The following NAGPA variants were observed in gnomAD, a reference collection of about 807,000 sequenced individuals.
NAGPA encodes the protein alpha-N-acetylglucosaminyl phosphodiesterase.
Under a neutral mutation model 48.5 loss-of-function variants are expected in NAGPA, and 56 were observed. The ratio of observed to expected loss-of-function variants is 1.15; its 90% CI spans 0.93 to 1.44. The LOEUF (loss-of-function observed/expected upper bound fraction) is 1.44. NAGPA is among the 40% of genes most tolerant of loss of function. The pLI is 0.00. For missense variants in NAGPA, 888 were observed against 735.0 expected, an observed-to-expected ratio of 1.21 and a Z score of -2.41; for synonymous variants, 399 against 315.5, an observed-to-expected ratio of 1.26 and a Z score of -2.81.
At chr16:5,030,938 T>TC in intron 3 of NAGPA, 1 of 246,250 alleles carries the variant, frequency 4.1e-6, no homozygotes, top group East Asian at 1.1e-4. Flanking sequence ...CACTCTTTTT[T>TC]TTTTTTTGAG....
At chr16:5,028,262 C>A in intron 5 of NAGPA, 77 bp from the exon 6 acceptor site, 1 of 1,547,220 alleles carries the variant, frequency 6.5e-7, no homozygotes, top group Non-Finnish European at 8.7e-7. Flanking sequence ...CCCCCAACCA[C>A]CCCTCTCTCC....
Position 5,025,374 on chromosome 16 carries a change from GAC to G in NAGPA, c.*102_*103del. 7.2e-7 allele frequency: 1 copy of G among 1,392,038 alleles called. No homozygotes were observed. Among genetic ancestry groups the G allele is most frequent in the Non-Finnish European group, 9.9e-7 (1 of 1,006,684 alleles). The allele number at this position is 1,392,038 out of a possible 1,614,324, so 86.2% of individuals were successfully genotyped here. On this transcript the variant is annotated 3_prime_UTR_variant, in exon 10 of 10. Coordinates refer to ENST00000312251, the MANE Select transcript of NAGPA (RefSeq NM_016256.4). ...ACTTGGCTGCCCCACAGGGGCTGAG[GAC>G]ACCCAGATGGTCCACGCCAGTGGCC...
In NAGPA at chr16:5,025,435, G is replaced by C; in HGVS notation, c.*43C>G. On this transcript the variant is annotated 3_prime_UTR_variant, in exon 10 of 10. Coordinates refer to ENST00000312251, the MANE Select transcript of NAGPA (RefSeq NM_016256.4). ...TCCCCTGCAGAAGCCAGACCGTGGG[G>C]AAACAAGCTTTCGCGACGTGCCACC... 6.2e-7 allele frequency: 1 copy of C among 1,605,648 alleles called. No individual in the cohort carries two copies. Among genetic ancestry groups the C allele is most frequent in the Non-Finnish European group, 8.5e-7 (1 of 1,175,624 alleles).
intron 7 of NAGPA, 106 bp downstream of exon 7, chr16:5,027,740 G>A: frequency 2.0e-6 from 3 of 1,477,524 alleles, no homozygotes; most frequent in Non-Finnish European, 2.8e-6. Context: ...AAGACAAGAG[G>A]CAAGCATTTC....
Position 5,030,603 on chromosome 16 carries a change from A to T in NAGPA, c.683-110T>A. On this transcript the variant is annotated intron_variant, in intron 3 of 9. Coordinates refer to ENST00000312251, the MANE Select transcript of NAGPA (RefSeq NM_016256.4). ...TACCTGGTACCTCCCTGGGAAGCACAGCAGCCTCCTTGCTCGTCTCCCTGC... is the reference window on the plus strand; with the variant it reads ...TACCTGGTACCTCCCTGGGAAGCACTGCAGCCTCCTTGCTCGTCTCCCTGC... The T allele has an allele frequency of 4.5e-6, 4 of 885,182 alleles. No individual in the cohort carries two copies. The South Asian group carries it at 5.7e-5, about 13-fold the overall frequency. 54.8% of individuals were successfully genotyped at this position (885,182 alleles called of 1,614,324 possible).
chr16:5,033,177 C>CT lies in NAGPA; in HGVS notation c.542+95dup. On this transcript the variant is annotated intron_variant, in intron 2 of 9. Coordinates refer to ENST00000312251, the MANE Select transcript of NAGPA (RefSeq NM_016256.4). This position sits in a 1 kb window ranked among gnomAD's most constrained non-coding sequence, Gnocchi z 4.2. ...CATTCTGCAGAGGAGGAAACAGGGG[C>CT]TCAGCTTGGTTAAGTGACTTGAACA... The CT allele has an allele frequency of 1.4e-6, 2 of 1,402,858 alleles. No individual in the cohort carries two copies. Among genetic ancestry groups the CT allele is most frequent in the Non-Finnish European group, 1.9e-6 (2 of 1,027,950 alleles). 86.9% of individuals were successfully genotyped at this position (1,402,858 alleles called of 1,614,324 possible). A position where few individuals can be genotyped will look rare whatever the true frequency, so the allele number is the denominator to read the frequency against.
chr16:5,030,676 T>C (rs1380397507), intron 3 of NAGPA, 183 bp from the exon 4 acceptor site: 7 of 660,512 alleles, frequency 1.1e-5, no homozygotes, highest in Admixed American at 2.2e-5. Flanking sequence ...GGGGGTCTCT[T>C]CTTACAGGTA....
At chr16:5,029,757 C>T in intron 4 of NAGPA, 1 of 160,356 alleles carries the variant, frequency 6.2e-6, no homozygotes, top group South Asian at 1.8e-4. Context: ...AACCCCATCT[C>T]TACTAAAAAT....
chr16:5,033,872 G>GTGCAAGCCGGAGGAGAAGCC lies in NAGPA; in HGVS notation c.23_42dup (p.Leu15GlyfsTer87), dbSNP rs1567143752. 6.5e-7 allele frequency: 1 copy of GTGCAAGCCGGAGGAGAAGCC among 1,549,388 alleles called. No individual in the cohort carries two copies. The highest frequency in any genetic ancestry group is 2.0e-5 in the Admixed American group (1 of 51,008). On this transcript the variant is annotated frameshift_variant, in exon 1 of 10. Coordinates refer to ENST00000312251, the MANE Select transcript of NAGPA (RefSeq NM_016256.4). LOFTEE classifies it high-confidence loss of function. The surrounding 1 kb of genome is among the most constrained non-coding windows in gnomAD (Gnocchi z 4.2). ...GACGCTTCCCAGAGGAAGCCGAATA[G>GTGCAAGCCGGAGGAGAAGCC]TGCAAGCCGGAGGAGAAGCCAGCGA...
chr16:5,033,113 G>A lies in NAGPA; in HGVS notation c.542+160C>T. The A allele has an allele frequency of 1.2e-6, 1 of 843,810 alleles. No individual in the cohort carries two copies. Among genetic ancestry groups the A allele is most frequent in the Non-Finnish European group, 1.9e-6 (1 of 537,780 alleles). 52.3% of individuals were successfully genotyped at this position (843,810 alleles called of 1,614,324 possible). On this transcript the variant is annotated intron_variant, in intron 2 of 9. Coordinates refer to ENST00000312251, the MANE Select transcript of NAGPA (RefSeq NM_016256.4). The surrounding 1 kb of genome is among the most constrained non-coding windows in gnomAD (Gnocchi z 4.2). ...TACAAGCAAGTGCTCAATGATACTG[G>A]ATGATGAATAAACTCTGCAAGGAAG...
Position 5,025,680 on chromosome 16 carries a change from G to A in NAGPA, c.1346C>T (p.Ala449Val), listed in dbSNP as rs1194471872. ...AGELSFFTRTAWLALTLALAF... is the reference protein window; with the variant it reads ...AGELSFFTRTVWLALTLALAF... ...CAGCGCCAGGGTGAGGGCTAGCCAG[G>A]CGGTCCTGCAGACAGGAGAGAAGCC... The change falls in exon 10 of 10, where the codon GCC becomes GTC. Residue 449 changes from alanine (A) to valine (V), a missense_variant. Ala to Val is a moderately conservative substitution (Grantham distance 64, BLOSUM62 0). Transcript: ENST00000312251. The A allele has an allele frequency of 1.9e-6, 3 of 1,604,986 alleles. No individual in the cohort carries two copies. The Admixed American group carries it at 5.2e-5, about 28-fold the overall frequency.
At chr16:5,031,914 C>G (rs1330238385) in intron 2 of NAGPA, 30 bp from the exon 3 acceptor site, 2 of 1,613,990 alleles carry the variant, frequency 1.2e-6, no homozygotes, top group Non-Finnish European at 1.7e-6. Flanking sequence ...GAAGCTCACT[C>G]ACCAGCAGGG....
intron 2 of NAGPA, among the ~76,000 whole-genome samples, chr16:5,032,678 C>CAA (rs796080811): frequency 2.1e-5 from 3 of 143,314 alleles, no homozygotes; most frequent in African/African-American, 7.7e-5. Context: ...GACTCTGTCT[C>CAA]AAAAAAAAAA....
rs773786148 is a variant in NAGPA at position 5,027,506 on chromosome 16, G to A, written c.1175-127C>T. 5.4e-4 allele frequency: 544 copies of A among 1,003,300 alleles called. 1 individual carries two copies. Among genetic ancestry groups the A allele is most frequent in the Non-Finnish European group, 7.3e-4 (480 of 658,474 alleles). 62.1% of individuals were successfully genotyped at this position (1,003,300 alleles called of 1,614,324 possible). A position where few individuals can be genotyped will look rare whatever the true frequency, so the allele number is the denominator to read the frequency against. ...TGTACAGAGCCGGGCTAAAGGTGAA[G>A]CACCCCCTGCCCTCCCTGGACTAGC... On this transcript the variant is annotated intron_variant, in intron 7 of 9. Transcript: ENST00000312251.
chr16:5,030,708 A>T, intron 3 of NAGPA: 1 of 615,926 alleles, frequency 1.6e-6, no homozygotes, highest in Non-Finnish European at 2.9e-6. Flanking sequence ...GCCAGCCTCC[A>T]GGTGAAGACC....
chr16:5,033,350 G>C lies in NAGPA; in HGVS notation c.465C>G (p.Asp155Glu). The stretch of plus-strand genomic sequence containing the variant: ...CCCCGGAGCTGCTCACCCGCCGCTC[G>C]TCGCTCACCACGTTCCCCAGGCACT... Reference protein sequence around the residue: ...SGECLGNVVSDERRVSSSGGL... With the variant: ...SGECLGNVVSEERRVSSSGGL... Residue 155 changes from aspartate to glutamate, a missense_variant, in exon 2 of 10, where the codon GAC becomes GAG. Transcript: ENST00000312251. The surrounding 1 kb of genome is among the most constrained non-coding windows in gnomAD (Gnocchi z 4.2). 6.3e-7 allele frequency: 1 copy of C among 1,598,040 alleles called. No individual in the cohort carries two copies. Among genetic ancestry groups the C allele is most frequent in the Non-Finnish European group, 8.5e-7 (1 of 1,179,620 alleles).
intron 3 of NAGPA, chr16:5,030,944 T>C (rs1456851918): frequency 5.6e-5 from 14 of 248,986 alleles, no homozygotes; most frequent in Non-Finnish European, 8.8e-5. Context: ...TTTTTTTTTT[T>C]TGAGACAAAG....
chr16:5,033,757 G>C lies in NAGPA; in HGVS notation c.87-29C>G. ...CGGGGACGGGCGGCCGTGAGCTCAG[G>C]GGGCTGTCCTCGTGAGCTCGGAGGA... On this transcript the variant is annotated intron_variant, in intron 1 of 9. Coordinates refer to ENST00000312251, the MANE Select transcript of NAGPA (RefSeq NM_016256.4). This position sits in a 1 kb window ranked among gnomAD's most constrained non-coding sequence, Gnocchi z 4.2. 6.3e-7 allele frequency: 1 copy of C among 1,594,994 alleles called. No homozygotes were observed. Among genetic ancestry groups the C allele is most frequent in the Non-Finnish European group, 8.5e-7 (1 of 1,172,086 alleles).
intron 4 of NAGPA, 76 bp downstream of exon 4, chr16:5,030,309 G>A: frequency 7.5e-7 from 1 of 1,332,260 alleles, no homozygotes; most frequent in Non-Finnish European, 1.1e-6. Flanking sequence ...AGAGTCAGAG[G>A]GTGGCTGTCA....
Sources: allele counts gnomAD v4.1 joint callset (sites outside exome capture counted in the v4.1 genomes callset), GRCh38; gene constraint gnomAD v4.1.1; non-coding constraint Gnocchi (gnomAD v3.1); transcripts MANE v1.5; gene names NCBI Gene and HGNC (gene_info 2026-07-23, HGNC 2026-07-21).